ITCH: variants seen among roughly 807,000 people sequenced by gnomAD.
The protein encoded by ITCH is E3 ubiquitin-protein ligase Itchy homolog.
ITCH carries 28 observed loss-of-function variants against 126.8 expected under a neutral mutation model. The ratio of observed to expected loss-of-function variants is 0.22; its 90% CI spans 0.16 to 0.30. ITCH has a LOEUF of 0.30. ITCH is among the 10% of genes least tolerant of loss of function. The pLI is 1.00. For missense variants in ITCH, 631 were observed against 1,032.4 expected (o/e 0.61, Z 5.33); for synonymous variants, 342 against 340.0 (o/e 1.01, Z -0.06).
At position 34,387,735 on chromosome 20, in the gene ITCH, C is replaced by T. The variant is rs184742618; in HGVS notation, c.-21-6056C>T. Among the ~76,000 whole-genome samples the T allele has an allele frequency of 8.0e-5, 12 of 150,878 alleles. No individual in the cohort carries two copies. In the East Asian group the frequency reaches 1.6e-3, roughly 20 times the overall value. On this transcript the variant is annotated intron_variant, in intron 2 of 24. Coordinates refer to ENST00000374864, the MANE Select transcript of ITCH (RefSeq NM_031483.7). ...TTTTTTCTTTTTTGAGATGGAGTCT[C>T]GCTCTGTCACCCAGACTGGAGTGTA...
intron 3 of ITCH, among the ~76,000 whole-genome samples, chr20:34,394,990 G>T (rs1404257508): frequency 6.6e-6 from 1 of 152,106 alleles, no homozygotes; most frequent in African/African-American, 2.4e-5. Context: ...CTAGCACTTT[G>T]GGAGGTCGAG....
chr20:34,438,863 G>A (rs1200372495), intron 8 of ITCH, among the ~76,000 whole-genome samples: 2 of 152,150 alleles, frequency 1.3e-5, no homozygotes, highest in African/African-American at 2.4e-5. Context: ...TGACATGTGC[G>A]TAATATAAAG....
intron 7 of ITCH, among the ~76,000 whole-genome samples, chr20:34,435,258 T>G (rs1415247333): frequency 6.6e-6 from 1 of 151,896 alleles, no homozygotes; most frequent in Non-Finnish European, 1.5e-5. Flanking sequence ...AACCTCAGCC[T>G]CTTGGGTTCA....
At chr20:34,438,674 G>C in intron 8 of ITCH, 43 bp downstream of exon 8, 1 of 1,604,776 alleles carries the variant, frequency 6.2e-7, no homozygotes, top group Non-Finnish European at 8.5e-7. Context: ...TAATGTCCTG[G>C]TTGGCAATTA....
At chr20:34,464,800 G>T (rs142745077) in intron 14 of ITCH, among the ~76,000 whole-genome samples, 1 of 151,414 alleles carries the variant, frequency 6.6e-6, no homozygotes, top group Non-Finnish European at 1.5e-5. Flanking sequence ...AACCTCTACC[G>T]CCTGGGTTGA....
Position 34,508,263 on chromosome 20 carries a change from G to T in ITCH, c.*469G>T. On this transcript the variant is annotated 3_prime_UTR_variant, in exon 25 of 25. Coordinates refer to ENST00000374864, the MANE Select transcript of ITCH (RefSeq NM_031483.7). ...TTCTGGGGATGTGAGCAAAATTCGG[G>T]CTTGTGTTCTCCCTCTCATTTTAGT... The T allele has an allele frequency of 5.4e-6, 1 of 184,498 alleles. No homozygotes were observed. The highest frequency in any genetic ancestry group is 1.2e-5 in the Non-Finnish European group (1 of 85,960). 11.4% of individuals were successfully genotyped at this position (184,498 alleles called of 1,614,324 possible).
intron 22 of ITCH, among the ~76,000 whole-genome samples, chr20:34,491,110 T>C (rs1989477151): frequency 6.6e-6 from 1 of 152,174 alleles, no homozygotes; most frequent in Non-Finnish European, 1.5e-5. Flanking sequence ...TAAGTCTAGG[T>C]GCTCCTCAAC....
chr20:34,489,379 A>T lies in ITCH; in HGVS notation c.2207A>T (p.Glu736Val). Residue 736 changes from glutamate to valine, a missense_variant, in exon 21 of 25, where the codon GAA (glutamate) becomes GTA (valine). By Grantham distance (121) the Glu-to-Val change is moderately radical (BLOSUM62 -2). Coordinates refer to ENST00000374864, the MANE Select transcript of ITCH (RefSeq NM_031483.7). ...TATTTGCAATACTTTGATGCAAAGG[A>T]ATTAGAGGTAATGAATTTTCCTTCA... is the stretch of plus-strand genomic sequence containing the variant. ...QQYLQYFDAK[E>V]LEVLLCGMQE... The T allele has an allele frequency of 6.2e-7, 1 of 1,612,930 alleles. No individual in the cohort carries two copies. The highest frequency in any genetic ancestry group is 8.5e-7 in the Non-Finnish European group (1 of 1,179,406).
intron 3 of ITCH, among the ~76,000 whole-genome samples, chr20:34,396,236 G>A (rs931963201): frequency 6.6e-6 from 1 of 151,822 alleles, no homozygotes; most frequent in Non-Finnish European, 1.5e-5. Context: ...GTTTCACCAT[G>A]TTGGCCAGGC....
In ITCH at chr20:34,476,376, T is replaced by C. The variant is rs978576982; in HGVS notation, c.1570-1396T>C. The stretch of plus-strand genomic sequence containing the variant: ...CCCGGCTCCTCAGCAGGCCGCTGGC[T>C]CCAGCGCGGGACCCGGCGTGGTGCA... On this transcript the variant is annotated intron_variant, in intron 16 of 24. Transcript: ENST00000374864. 4.6e-6 allele frequency: 6 copies of C among 1,309,510 alleles called. No individual in the cohort carries two copies. In the African/African-American group the frequency reaches 9.3e-5, roughly 20 times the overall value. The allele number at this position is 1,309,510 out of a possible 1,614,324, so 81.1% of individuals were successfully genotyped here.
chr20:34,392,016 A>G (rs1285231056), intron 2 of ITCH, among the ~76,000 whole-genome samples: 3 of 152,180 alleles, frequency 2.0e-5, no homozygotes, highest in African/African-American at 4.8e-5. Flanking sequence ...GCAGAATATC[A>G]GCAGCCAGAT....
chr20:34,369,454 A>G lies in ITCH; in HGVS notation c.-38A>G, dbSNP rs1237519801. 14 of 398,974 alleles carry G rather than the reference A, an allele frequency of 3.5e-5. No individual in the cohort carries two copies. In the South Asian group the frequency reaches 3.8e-4, roughly 11 times the overall value. 24.7% of individuals were successfully genotyped at this position (398,974 alleles called of 1,614,324 possible). A position where few individuals can be genotyped will look rare whatever the true frequency, so the allele number is the denominator to read the frequency against. ...CGCCTTAACCCAAGGAAGTGACTCA[A>G]ACTGTGAGAACTTCAGGTATGGTGT... On this transcript the variant is annotated 5_prime_UTR_variant, in exon 2 of 25. Transcript: ENST00000374864.
chr20:34,504,487 A>G (rs1437189160), intron 24 of ITCH, 84 bp downstream of exon 24: 2 of 900,684 alleles, frequency 2.2e-6, no homozygotes, highest in East Asian at 5.1e-5. Flanking sequence ...ATTAAAAATG[A>G]TATTTAGTAG....
intron 18 of ITCH, among the ~76,000 whole-genome samples, chr20:34,480,127 G>A (rs975905593): frequency 6.6e-6 from 1 of 151,968 alleles, no homozygotes; most frequent in African/African-American, 2.4e-5. Context: ...TTGAACTCCT[G>A]ACCTCAGGTA....
chr20:34,408,907 C>A, intron 4 of ITCH, 115 bp downstream of exon 4: 6 of 1,026,990 alleles, frequency 5.8e-6, no homozygotes, highest in Admixed American at 2.7e-5. Context: ...TCCTTTCTCT[C>A]TTCTTTTTTT....
At chr20:34,371,132 C>T (rs1396355357) in intron 2 of ITCH, among the ~76,000 whole-genome samples, 1 of 140,118 alleles carries the variant, frequency 7.1e-6, no homozygotes, top group African/African-American at 2.7e-5. Flanking sequence ...CACACCACTG[C>T]ACTCCAGCCT....
chr20:34,439,052 A>G (rs577686666), intron 8 of ITCH, among the ~76,000 whole-genome samples: 11 of 152,238 alleles, frequency 7.2e-5, no homozygotes, highest in Non-Finnish European at 1.2e-4. Context: ...TAAAAAGTAC[A>G]CAACAAACAA....
At chr20:34,496,180 C>G (rs568221906) in intron 23 of ITCH, among the ~76,000 whole-genome samples, 3 of 152,138 alleles carry the variant, frequency 2.0e-5, no homozygotes, top group Non-Finnish European at 4.4e-5. Flanking sequence ...AACAGTTATT[C>G]TAACTGAGGT....
intron 3 of ITCH, chr20:34,402,489 A>G (rs1172733406): frequency 2.6e-6 from 2 of 762,236 alleles, no homozygotes; most frequent in East Asian, 4.9e-5. Flanking sequence ...CTAGAAATAC[A>G]TCTGTTTGTG....
Sources: allele counts gnomAD v4.1 joint callset (sites outside exome capture counted in the v4.1 genomes callset), GRCh38; gene constraint gnomAD v4.1.1; transcripts MANE v1.5; gene names NCBI Gene and HGNC (gene_info 2026-07-23, HGNC 2026-07-21).